MCM5: variants seen among roughly 807,000 people sequenced by gnomAD.
The protein encoded by MCM5 is minichromosome maintenance complex component 5, also known as DNA replication licensing factor MCM5.
Under a neutral mutation model 79.9 loss-of-function variants are expected in MCM5, and 46 were observed. That is an observed-to-expected ratio of 0.58 (90% CI 0.45 to 0.74). The LOEUF (loss-of-function observed/expected upper bound fraction) is 0.74. MCM5 is among the 30% of genes least tolerant of loss of function. The pLI is 0.00. For missense variants in MCM5, 883 were observed against 1,017.0 expected (o/e 0.87, Z 1.79); for synonymous variants, 404 against 390.5 (o/e 1.03, Z -0.41).
the MCM5 span, among the ~76,000 whole-genome samples, chr22:35,450,439 T>C: frequency 1.3e-5 from 2 of 151,878 alleles, no homozygotes; most frequent in Non-Finnish European, 2.9e-5. Flanking sequence ...CCTTTCCCTC[T>C]CCCCTCCTGG....
At chr22:35,435,760 TG>T in the MCM5 span, among the ~76,000 whole-genome samples, 1 of 152,146 alleles carries the variant, frequency 6.6e-6, no homozygotes, top group Non-Finnish European at 1.5e-5. Context: ...GGCGGAGGCC[TG>T]GGTTCTAGTC....
chr22:35,416,525 G>GTGTC (rs1932547176), intron 11 of MCM5, 113 bp from the exon 12 acceptor site: 2 of 374,110 alleles, frequency 5.3e-6, no homozygotes, highest in African/African-American at 2.4e-4. Flanking sequence ...GTGTGTGTGT[G>GTGTC]TGTGTGTGTG....
In MCM5 at chr22:35,421,380, C is replaced by T. The variant is rs1211895727; in HGVS notation, c.1895C>T (p.Ala632Val). 1 of 1,614,014 alleles carries T rather than the reference C, an allele frequency of 6.2e-7. No homozygotes were observed. Among genetic ancestry groups the T allele is most frequent in the Non-Finnish European group, 8.5e-7 (1 of 1,180,042 alleles). ...ALSKMKLQPF[A>V]TEADVEEALR... ...AGCAAGATGAAGCTGCAGCCCTTCG[C>T]CACAGAGGCAGATGTGGAGGAGGCC... The change falls in exon 15 of 17, where the codon GCC (alanine) becomes GTC (valine). Residue 632 changes from alanine to valine, a missense_variant. By Grantham distance (64) the Ala-to-Val change is moderately conservative. This residue lies in a region of MCM5 where 426 missense variants were observed against 482.3 expected (regional missense o/e 0.88). Transcript: ENST00000216122.
At chr22:35,432,854 A>G in the MCM5 span, among the ~76,000 whole-genome samples, 1 of 148,224 alleles carries the variant, frequency 6.7e-6, no homozygotes, top group South Asian at 2.2e-4. Context: ...TGGGAGGGTA[A>G]AAGTTGCTGG....
At chr22:35,406,766 G>C (rs1932231669) in intron 5 of MCM5, 41 bp downstream of exon 5, 1 of 1,591,818 alleles carries the variant, frequency 6.3e-7, no homozygotes, top group Admixed American at 1.7e-5. Context: ...GGTGACCTGA[G>C]TGAAGATCAG....
chr22:35,447,882 T>G, the MCM5 span, among the ~76,000 whole-genome samples: 1 of 152,168 alleles, frequency 6.6e-6, no homozygotes, highest in African/African-American at 2.4e-5. Context: ...TTTATGCCCT[T>G]AGCCCCCTCA....
the MCM5 span, among the ~76,000 whole-genome samples, chr22:35,438,268 C>CACAT: frequency 9.7e-5 from 13 of 133,972 alleles, no homozygotes; most frequent in South Asian, 3.8e-3. Flanking sequence ...CCCACCCACC[C>CACAT]ACCCACATAT....
the MCM5 span, among the ~76,000 whole-genome samples, chr22:35,453,819 T>TATAGAGAGAGAGAGAG: frequency 2.0e-4 from 16 of 81,546 alleles, no homozygotes; most frequent in Middle Eastern, 7.6e-3. Context: ...TATATATATA[T>TATAGAGAGAGAGAGAG]AGAGAGAGAG....
the MCM5 span, among the ~76,000 whole-genome samples, chr22:35,438,280 C>G: frequency 8.3e-6 from 1 of 120,578 alleles, no homozygotes; most frequent in South Asian, 3.1e-4. Context: ...CCCACATATT[C>G]ATCCGTCCAT....
the MCM5 span, among the ~76,000 whole-genome samples, chr22:35,437,202 G>A: frequency 3.5e-5 from 5 of 143,580 alleles, no homozygotes; most frequent in Admixed American, 1.4e-4. Flanking sequence ...GCAGTGCCCC[G>A]AACATACTGG....
chr22:35,417,355 G>A (rs1225370259), intron 12 of MCM5, among the ~76,000 whole-genome samples: 1 of 152,154 alleles, frequency 6.6e-6, no homozygotes, highest in Admixed American at 6.5e-5. Context: ...CAGCCCCCAG[G>A]AAAGAGGAGG....
intron 10 of MCM5, 121 bp from the exon 11 acceptor site, chr22:35,416,218 C>A: frequency 9.6e-7 from 1 of 1,045,638 alleles, no homozygotes. Context: ...CTGGTTGCTG[C>A]CATTGGCCTT....
In MCM5 at chr22:35,403,751, G is replaced by C. The variant is rs543595173; in HGVS notation, c.423+209G>C. On this transcript the variant is annotated intron_variant, in intron 4 of 16. Coordinates refer to ENST00000216122, the MANE Select transcript of MCM5 (RefSeq NM_006739.4). ...AGAGTAGTATAATGAATCCCATAAA[G>C]CTTCACCCAGATTTAATAATTAACA... Among the ~76,000 whole-genome samples, 10 of 152,228 alleles carry C rather than the reference G, an allele frequency of 6.6e-5. No homozygotes were observed. The South Asian group carries it at 1.9e-3, about 28-fold the overall frequency.
Position 35,400,526 on chromosome 22 carries a change from C to G in MCM5, c.88C>G (p.Gln30Glu), listed in dbSNP as rs1932010519. The G allele has an allele frequency of 1.2e-6, 2 of 1,613,992 alleles. No individual in the cohort carries two copies. The highest frequency in any genetic ancestry group is 1.3e-5 in the African/African-American group (1 of 74,944). The change falls in exon 2 of 17, where the codon CAG becomes GAG. Residue 30 changes from glutamine (Q) to glutamate (E), a missense_variant. Gln to Glu is a conservative substitution (Grantham distance 29, BLOSUM62 2). Around this residue, in one of 3 missense-constraint regions of MCM5, gnomAD observed 455 missense variants for 517.5 expected, o/e 0.88. Transcript: ENST00000216122. ...CGACGAGGGGCAGGCCCGCAAATCGCAGCTGCAGAGGCGCTTCAAGGAGTT... is the reference window on the plus strand; with the variant it reads ...CGACGAGGGGCAGGCCCGCAAATCGGAGCTGCAGAGGCGCTTCAAGGAGTT... Reference protein sequence around the residue: ...QADEGQARKSQLQRRFKEFLR... With the variant: ...QADEGQARKSELQRRFKEFLR...
the MCM5 span, among the ~76,000 whole-genome samples, chr22:35,453,401 CACTG>C: frequency 4.7e-5 from 7 of 150,464 alleles, no homozygotes; most frequent in Non-Finnish European, 8.8e-5. Context: ...GAGAAGGAGA[CACTG>C]ACAGAGTGAT....
At chr22:35,447,810 T>C in the MCM5 span, among the ~76,000 whole-genome samples, 6 of 152,124 alleles carry the variant, frequency 3.9e-5, no homozygotes, top group Non-Finnish European at 8.8e-5. Context: ...AGCCTTCGGG[T>C]TGGGGCAGGC....
At chr22:35,451,574 C>T in the MCM5 span, among the ~76,000 whole-genome samples, 10 of 152,234 alleles carry the variant, frequency 6.6e-5, no homozygotes, top group African/African-American at 1.2e-4. Flanking sequence ...CCAGGTGACT[C>T]GAGAGGGGGC....
At chr22:35,403,941 C>CAAAAAAAAAAA (rs11453695) in intron 4 of MCM5, among the ~76,000 whole-genome samples, 1 of 146,612 alleles carries the variant, frequency 6.8e-6, no homozygotes, top group Non-Finnish European at 1.5e-5. Flanking sequence ...AAAAACAAAA[C>CAAAAAAAAAAA]AAAAAAAAAA....
At chr22:35,433,195 C>T in the MCM5 span, among the ~76,000 whole-genome samples, 2 of 152,168 alleles carry the variant, frequency 1.3e-5, no homozygotes, top group African/African-American at 4.8e-5. Flanking sequence ...CCTCCACCTC[C>T]TAAGTGTTGA....
Sources: allele counts gnomAD v4.1 joint callset (sites outside exome capture counted in the v4.1 genomes callset), GRCh38; gene constraint gnomAD v4.1.1; regional missense constraint gnomAD v4.1.1; transcripts MANE v1.5; gene names NCBI Gene and HGNC (gene_info 2026-07-23, HGNC 2026-07-21).